VEPH1: variants seen among roughly 807,000 people sequenced by gnomAD.
The protein encoded by VEPH1 is ventricular zone expressed PH domain containing 1.
A neutral mutation model predicts 85.2 loss-of-function variants in VEPH1; 80 were observed. The ratio of observed to expected loss-of-function variants is 0.94; its 90% CI spans 0.78 to 1.13. VEPH1 has a LOEUF of 1.13. Among genes scored for constraint, VEPH1 ranks in the 50% most tolerant of loss-of-function variants. VEPH1 has a pLI of 0.00. For missense variants in VEPH1, 955 were observed against 980.5 expected (o/e 0.97, Z 0.35); for synonymous variants, 297 against 348.0 (o/e 0.85, Z 1.63).
chr3:157,365,971 G>A (rs1726645361), intron 7 of VEPH1, among the ~76,000 whole-genome samples: 1 of 152,190 alleles, frequency 6.6e-6, no homozygotes, highest in Non-Finnish European at 1.5e-5. Flanking sequence ...GACTGGGGTT[G>A]GGTGAGTTAT....
rs139851251 is a variant in VEPH1 at position 157,442,741 on chromosome 3, C to G, written c.530-14253G>C. Reference sequence around the variant, plus strand: ...GAGATGGCCACAGGTCACATTGTTCCTGAGGGAGGAATCCTGCAGATTGGC... The same window carrying G: ...GAGATGGCCACAGGTCACATTGTTCGTGAGGGAGGAATCCTGCAGATTGGC... On this transcript the variant is annotated intron_variant, in intron 4 of 13. Coordinates refer to ENST00000362010, the MANE Select transcript of VEPH1 (RefSeq NM_001167912.2). 3.4e-4 allele frequency: 547 copies of G among 1,614,196 alleles called. No homozygotes were observed. The African/African-American group carries it at 6.4e-3, about 19-fold the overall frequency.
At chr3:157,439,876 G>C (rs951085833) in intron 4 of VEPH1, among the ~76,000 whole-genome samples, 3 of 152,130 alleles carry the variant, frequency 2.0e-5, no homozygotes, top group African/African-American at 7.2e-5. Flanking sequence ...TCAGCCTCCT[G>C]AGTAGCTGGG....
At chr3:157,336,339 G>A (rs1722963229) in intron 9 of VEPH1, among the ~76,000 whole-genome samples, 1 of 152,144 alleles carries the variant, frequency 6.6e-6, no homozygotes, top group Non-Finnish European at 1.5e-5. Flanking sequence ...GACTGCATCA[G>A]ATTATAACCT....
intron 10 of VEPH1, among the ~76,000 whole-genome samples, chr3:157,314,209 T>A (rs1720464308): frequency 6.6e-6 from 1 of 151,188 alleles, no homozygotes; most frequent in African/African-American, 2.4e-5. Context: ...GGCGGGAGCC[T>A]GTAGTCCCAG....
chr3:157,370,253 G>C (rs1500916), intron 7 of VEPH1, among the ~76,000 whole-genome samples: 110,640 of 152,100 alleles, frequency 0.73, 41,114 homozygotes, highest in African/African-American at 0.87. Flanking sequence ...CTCACTAAGC[G>C]GGGAGATGAG....
At chr3:157,378,353 T>C (rs905893068) in intron 7 of VEPH1, among the ~76,000 whole-genome samples, 1 of 84,956 alleles carries the variant, frequency 1.2e-5, no homozygotes, top group Non-Finnish European at 2.3e-5. Context: ...TATATATATA[T>C]ATATAGTAGT....
chr3:157,437,005 T>C, intron 4 of VEPH1: 1 of 1,614,050 alleles, frequency 6.2e-7, no homozygotes, highest in Middle Eastern at 1.6e-4. Context: ...ATGATTATGA[T>C]CTCATGTATG....
At chr3:157,418,500 C>A (rs1384639175) in intron 5 of VEPH1, among the ~76,000 whole-genome samples, 1 of 152,120 alleles carries the variant, frequency 6.6e-6, no homozygotes, top group African/African-American at 2.4e-5. Context: ...GATACAAAAT[C>A]AATATGCAAA....
chr3:157,370,573 A>C (rs1007857779), intron 7 of VEPH1, among the ~76,000 whole-genome samples: 1 of 152,154 alleles, frequency 6.6e-6, no homozygotes, highest in Non-Finnish European at 1.5e-5. Context: ...TGCAATAAAT[A>C]ATGCTGCTGG....
At chr3:157,482,864 G>A (rs952208306) in intron 2 of VEPH1, among the ~76,000 whole-genome samples, 5 of 152,004 alleles carry the variant, frequency 3.3e-5, no homozygotes, top group Admixed American at 6.6e-5. Flanking sequence ...TACTGAAGTC[G>A]TTTATCAGTT....
intron 6 of VEPH1, among the ~76,000 whole-genome samples, chr3:157,393,213 A>G (rs971427355): frequency 6.6e-6 from 1 of 152,224 alleles, no homozygotes; most frequent in Non-Finnish European, 1.5e-5. Context: ...GCTTATCAAG[A>G]GTTCTTGATG....
At chr3:157,353,416 C>A (rs1309874403) in intron 9 of VEPH1, among the ~76,000 whole-genome samples, 1 of 152,050 alleles carries the variant, frequency 6.6e-6, no homozygotes, top group Admixed American at 6.6e-5. Context: ...CAGAGGCATG[C>A]CACCATTCCT....
At chr3:157,446,089 T>C (rs886758540) in intron 4 of VEPH1, among the ~76,000 whole-genome samples, 2 of 152,178 alleles carry the variant, frequency 1.3e-5, no homozygotes, top group Admixed American at 6.5e-5. Flanking sequence ...CAAATACTTA[T>C]TGCGACATCA....
intron 6 of VEPH1, among the ~76,000 whole-genome samples, chr3:157,391,877 G>A (rs1433797920): frequency 1.3e-5 from 2 of 152,132 alleles, no homozygotes; most frequent in Non-Finnish European, 2.9e-5. Flanking sequence ...ATCCCATCAC[G>A]CTAACAGACT....
chr3:157,414,703 A>T (rs998114333), intron 5 of VEPH1, among the ~76,000 whole-genome samples: 8 of 152,156 alleles, frequency 5.3e-5, no homozygotes, highest in African/African-American at 1.9e-4. Context: ...GGTGAAATTT[A>T]TCTGAGAAAA....
At chr3:157,366,804 A>C (rs1004703465) in intron 7 of VEPH1, among the ~76,000 whole-genome samples, 1 of 152,226 alleles carries the variant, frequency 6.6e-6, no homozygotes, top group Admixed American at 6.5e-5. Flanking sequence ...TTTAGGAAAA[A>C]GCAATGCAGA....
intron 2 of VEPH1, among the ~76,000 whole-genome samples, chr3:157,479,834 A>G (rs961606341): frequency 3.9e-5 from 6 of 152,204 alleles, no homozygotes; most frequent in Admixed American, 1.3e-4. Flanking sequence ...GAGTTAATAC[A>G]TGGAAAGGAT....
intron 2 of VEPH1, among the ~76,000 whole-genome samples, chr3:157,479,611 G>A (rs1210253880): frequency 6.6e-6 from 1 of 152,176 alleles, no homozygotes; most frequent in Non-Finnish European, 1.5e-5. Context: ...CTAAGGCAAA[G>A]GATGTAATCA....
chr3:157,291,940 T>C (rs1717520493), intron 11 of VEPH1, among the ~76,000 whole-genome samples: 1 of 152,218 alleles, frequency 6.6e-6, no homozygotes, highest in South Asian at 2.1e-4. Flanking sequence ...TCTATCTCTC[T>C]CTCTATATAT....
Sources: gnomAD v4.1 joint callset for allele counts (sites outside exome capture counted in the v4.1 genomes callset) on GRCh38, gnomAD v4.1.1 for gene constraint, MANE v1.5 for transcripts, NCBI Gene and HGNC (gene_info 2026-07-23, HGNC 2026-07-21) for gene names.